Variants in ROBO2 observed in about 807,000 individuals in gnomAD.
The protein encoded by ROBO2 is roundabout guidance receptor 2.
A neutral mutation model predicts 160.8 loss-of-function variants in ROBO2; 53 were observed. That is an observed-to-expected ratio of 0.33 (90% CI 0.26 to 0.41). ROBO2 has a LOEUF of 0.41. Ranked by LOEUF, ROBO2 falls within the 10% of genes least tolerant of loss-of-function variation. ROBO2 has a pLI of 1.00. For synonymous variants in ROBO2, 664 were observed against 611.7 expected, an observed-to-expected ratio of 1.09 and a Z score of -1.26; for missense variants, 1,577 against 1,722.4, an observed-to-expected ratio of 0.92 and a Z score of 1.49.
intron 2 of ROBO2, among the ~76,000 whole-genome samples, chr3:76,969,758 G>A (rs1200082155): frequency 6.6e-6 from 1 of 151,970 alleles, no homozygotes; most frequent in Non-Finnish European, 1.5e-5. Flanking sequence ...TAACAAAGAG[G>A]ACGATTTTTC....
At chr3:76,983,817 C>T (rs77800617) in intron 2 of ROBO2, among the ~76,000 whole-genome samples, 78 of 152,288 alleles carry the variant, frequency 5.1e-4, no homozygotes, top group African/African-American at 1.9e-3. Flanking sequence ...TGACCCAAAT[C>T]AGCTAAATAA....
At chr3:77,395,656 T>C (rs1329095420) in intron 2 of ROBO2, among the ~76,000 whole-genome samples, 1 of 152,160 alleles carries the variant, frequency 6.6e-6, no homozygotes, top group East Asian at 1.9e-4. Flanking sequence ...ATAAGTTCTG[T>C]AGTAGATCTA....
At chr3:77,365,078 G>C (rs183836010) in intron 2 of ROBO2, among the ~76,000 whole-genome samples, 52 of 151,516 alleles carry the variant, frequency 3.4e-4, no homozygotes, top group African/African-American at 1.2e-3. Context: ...CCAGGAGGAG[G>C]AGGTTGCAGT....
intron 2 of ROBO2, among the ~76,000 whole-genome samples, chr3:77,368,881 A>T (rs1028413420): frequency 1.3e-5 from 2 of 152,188 alleles, no homozygotes; most frequent in Admixed American, 1.3e-4. Context: ...ATATGAATAC[A>T]TGCATAGTAT....
At chr3:76,430,678 A>T (rs1047212297) in intron 2 of ROBO2, among the ~76,000 whole-genome samples, 7 of 152,050 alleles carry the variant, frequency 4.6e-5, no homozygotes. Context: ...GATAATTTAT[A>T]TCAGTTTATT....
chr3:76,273,264 A>C (rs1050218588), intron 2 of ROBO2, among the ~76,000 whole-genome samples: 3 of 149,726 alleles, frequency 2.0e-5, no homozygotes, highest in African/African-American at 4.9e-5. Flanking sequence ...GACATTCCAC[A>C]GATGTAGCAA....
At chr3:77,212,809 C>T (rs549797332) in intron 2 of ROBO2, among the ~76,000 whole-genome samples, 172 of 152,194 alleles carry the variant, frequency 1.1e-3, no homozygotes, top group African/African-American at 3.9e-3. Context: ...TGTCAAAGGC[C>T]TTTTCTGCAT....
intron 2 of ROBO2, among the ~76,000 whole-genome samples, chr3:76,721,338 G>A (rs548520889): frequency 6.6e-6 from 1 of 152,198 alleles, no homozygotes; most frequent in African/African-American, 2.4e-5. Context: ...CTTTTCATCT[G>A]TTCCTTCCTA....
At chr3:77,072,171 A>G (rs1294227902) in intron 1 of ROBO2, among the ~76,000 whole-genome samples, 1 of 152,112 alleles carries the variant, frequency 6.6e-6, no homozygotes, top group African/African-American at 2.4e-5. Flanking sequence ...CGTGCTGCCT[A>G]TGAGAACCTA....
chr3:77,147,952 C>T (rs2077245853), intron 2 of ROBO2, among the ~76,000 whole-genome samples: 1 of 152,204 alleles, frequency 6.6e-6, no homozygotes, highest in Non-Finnish European at 1.5e-5. Context: ...AAGCTGTCAC[C>T]ATTTCACTAC....
chr3:76,477,728 TCTTC>T (rs1369674879), intron 2 of ROBO2, among the ~76,000 whole-genome samples: 2 of 152,116 alleles, frequency 1.3e-5, no homozygotes, highest in African/African-American at 4.8e-5. Context: ...ACTCTCATTC[TCTTC>T]CTTCCTCGTC....
chr3:77,262,862 A>C (rs988050322), intron 2 of ROBO2, among the ~76,000 whole-genome samples: 8 of 152,178 alleles, frequency 5.3e-5, no homozygotes, highest in African/African-American at 1.9e-4. Flanking sequence ...GATGGTGATG[A>C]TGGTGATGAG....
At chr3:76,545,626 T>A (rs1276690446) in intron 2 of ROBO2, among the ~76,000 whole-genome samples, 2 of 151,974 alleles carry the variant, frequency 1.3e-5, no homozygotes, top group African/African-American at 4.8e-5. Context: ...TCGTGAAATA[T>A]GTTCCTACAA....
chr3:77,129,534 G>A (rs558823327), intron 2 of ROBO2, among the ~76,000 whole-genome samples: 89 of 152,296 alleles, frequency 5.8e-4, no homozygotes, highest in African/African-American at 1.9e-3. Context: ...AAAAGTTGTC[G>A]AGATGCTTGA....
At chr3:76,465,995 A>AT (rs1553763837) in intron 2 of ROBO2, among the ~76,000 whole-genome samples, 1 of 73,394 alleles carries the variant, frequency 1.4e-5, no homozygotes, top group Non-Finnish European at 2.5e-5. Context: ...TGGATAAAAT[A>AT]TGGGTGTGTG....
chr3:77,589,030 G>C (rs938687104), intron 17 of ROBO2, 97 bp downstream of exon 18: 176 of 1,417,374 alleles, frequency 1.2e-4, no homozygotes, highest in Middle Eastern at 5.4e-4. Flanking sequence ...AGTGATTTGG[G>C]CTTATTTTAG....
intron 2 of ROBO2, among the ~76,000 whole-genome samples, chr3:76,236,510 G>C (rs557947842): frequency 1.8e-4 from 28 of 152,218 alleles, no homozygotes; most frequent in African/African-American, 6.7e-4. Context: ...AGATGTTCTT[G>C]CAAAAGCAAT....
At chr3:76,534,363 G>C (rs1256617387) in intron 2 of ROBO2, among the ~76,000 whole-genome samples, 1 of 152,072 alleles carries the variant, frequency 6.6e-6, no homozygotes, top group Non-Finnish European at 1.5e-5. Flanking sequence ...TGAGTTTTTA[G>C]GCCAGGGAAG....
intron 2 of ROBO2, among the ~76,000 whole-genome samples, chr3:76,204,887 C>T (rs979501952): frequency 6.6e-6 from 1 of 151,926 alleles, no homozygotes; most frequent in African/African-American, 2.4e-5. Context: ...TTTCTGTGGG[C>T]CTTTTTGTAA....
Sources: allele counts gnomAD v4.1 joint callset (sites outside exome capture counted in the v4.1 genomes callset), GRCh38; gene constraint gnomAD v4.1.1; transcripts MANE v1.5; gene names NCBI Gene and HGNC (gene_info 2026-07-23, HGNC 2026-07-21).